The following ELMO1 variants were observed in gnomAD, a reference collection of about 807,000 sequenced individuals.
ELMO1 encodes the protein engulfment and cell motility 1, also known as engulfment and cell motility protein 1.
A neutral mutation model predicts 98.9 loss-of-function variants in ELMO1; 26 were observed. The ratio of observed to expected loss-of-function variants is 0.26; its 90% CI spans 0.19 to 0.36. The LOEUF (loss-of-function observed/expected upper bound fraction) is 0.36. Among genes scored for constraint, ELMO1 ranks in the 10% least tolerant of loss-of-function variants. The pLI is 1.00. For missense variants in ELMO1, 627 were observed against 935.2 expected, an observed-to-expected ratio of 0.67 and a Z score of 4.30; for synonymous variants, 346 against 346.0, an observed-to-expected ratio of 1.00 and a Z score of 0.00.
At chr7:37,086,788 A>AG in intron 15 of ELMO1, among the ~76,000 whole-genome samples, 1 of 126,546 alleles carries the variant, frequency 7.9e-6, no homozygotes, top group Non-Finnish European at 1.7e-5. Context: ...CTTTCTTGCC[A>AG]AAAAAAAATA....
At chr7:37,210,034 T>C (rs116689129) in intron 13 of ELMO1, among the ~76,000 whole-genome samples, 1,659 of 152,022 alleles carry the variant, frequency 0.011, 39 homozygotes, top group African/African-American at 0.039. Context: ...CTGGACAGAG[T>C]GTTAGTTTTT....
intron 1 of ELMO1, among the ~76,000 whole-genome samples, chr7:37,363,879 C>T (rs1001718306): frequency 3.9e-5 from 6 of 152,126 alleles, no homozygotes; most frequent in African/African-American, 1.4e-4. Flanking sequence ...AACCAAGTGA[C>T]TAGAAAACCA....
chr7:37,023,378 G>A (rs897684963), intron 15 of ELMO1, among the ~76,000 whole-genome samples: 4 of 152,108 alleles, frequency 2.6e-5, no homozygotes, highest in Non-Finnish European at 5.9e-5. Flanking sequence ...GATTTCAGTG[G>A]GCTTTTCAGA....
At chr7:37,157,957 A>C (rs950735752) in intron 13 of ELMO1, among the ~76,000 whole-genome samples, 7 of 152,180 alleles carry the variant, frequency 4.6e-5, no homozygotes, top group Admixed American at 4.6e-4. Flanking sequence ...CAAAACAGAG[A>C]TATAGACCAA....
At chr7:37,188,095 C>T (rs899079745) in intron 13 of ELMO1, among the ~76,000 whole-genome samples, 8 of 152,040 alleles carry the variant, frequency 5.3e-5, no homozygotes, top group Non-Finnish European at 1.0e-4. Context: ...ACTTTTACCG[C>T]GGTTCAGAAA....
chr7:37,176,995 T>A (rs1175581781), intron 13 of ELMO1, among the ~76,000 whole-genome samples: 1 of 152,202 alleles, frequency 6.6e-6, no homozygotes, highest in Non-Finnish European at 1.5e-5. Context: ...AGATGTATCT[T>A]CCAGTGGGAA....
At chr7:37,019,401 TTCA>T (rs1219511096) in intron 15 of ELMO1, among the ~76,000 whole-genome samples, 1 of 152,226 alleles carries the variant, frequency 6.6e-6, no homozygotes, top group African/African-American at 2.4e-5. Context: ...GGATACAAAC[TTCA>T]TCATTTCGCT....
At chr7:37,367,132 AT>A (rs1212179602) in intron 1 of ELMO1, among the ~76,000 whole-genome samples, 1 of 152,196 alleles carries the variant, frequency 6.6e-6, no homozygotes, top group African/African-American at 2.4e-5. Flanking sequence ...CCACACTGTC[AT>A]TCATCTGCTG....
At chr7:37,113,116 C>T (rs1785351330) in intron 14 of ELMO1, among the ~76,000 whole-genome samples, 1 of 152,240 alleles carries the variant, frequency 6.6e-6, no homozygotes, top group South Asian at 2.1e-4. Flanking sequence ...AAGGCAGCTG[C>T]ATCCAGAGAG....
chr7:36,911,191 G>T (rs1562817363), intron 16 of ELMO1, among the ~76,000 whole-genome samples: 1 of 152,082 alleles, frequency 6.6e-6, no homozygotes, highest in Non-Finnish European at 1.5e-5. Flanking sequence ...TAAAAGGATG[G>T]CACCCCAAGC....
intron 2 of ELMO1, among the ~76,000 whole-genome samples, chr7:37,321,156 C>G (rs1387523667): frequency 6.6e-6 from 1 of 152,200 alleles, no homozygotes; most frequent in Non-Finnish European, 1.5e-5. Context: ...CCCCAATTAT[C>G]TTGAAAACAC....
At chr7:37,109,354 G>T (rs1785112462) in intron 14 of ELMO1, among the ~76,000 whole-genome samples, 1 of 152,188 alleles carries the variant, frequency 6.6e-6, no homozygotes, top group African/African-American at 2.4e-5. Context: ...GTGTGTTTAT[G>T]GAAAACATTT....
At chr7:37,081,833 A>T (rs114078281) in intron 15 of ELMO1, among the ~76,000 whole-genome samples, 3,149 of 152,312 alleles carry the variant, frequency 0.021, 118 homozygotes, top group African/African-American at 0.072. Flanking sequence ...AAACAAAAAA[A>T]ATAATGAAAA....
chr7:37,323,494 G>T (rs1799629570), intron 2 of ELMO1, among the ~76,000 whole-genome samples: 1 of 152,158 alleles, frequency 6.6e-6, no homozygotes, highest in South Asian at 2.1e-4. Flanking sequence ...AGAGTTTTGA[G>T]ACCAGGCTGA....
chr7:37,346,298 C>T (rs1801005301), intron 1 of ELMO1, among the ~76,000 whole-genome samples: 1 of 152,152 alleles, frequency 6.6e-6, no homozygotes, highest in Non-Finnish European at 1.5e-5. Context: ...TTCCAGAGGG[C>T]CTTTGGCAAA....
At chr7:37,243,129 A>G (rs1199516856) in intron 7 of ELMO1, among the ~76,000 whole-genome samples, 1 of 152,180 alleles carries the variant, frequency 6.6e-6, no homozygotes, top group Non-Finnish European at 1.5e-5. Context: ...TCTGTCTATG[A>G]TTTATCAATA....
intron 13 of ELMO1, among the ~76,000 whole-genome samples, chr7:37,171,960 T>C (rs1369827834): frequency 6.6e-6 from 1 of 152,158 alleles, no homozygotes; most frequent in East Asian, 1.9e-4. Context: ...TGTACTATTA[T>C]CTGTTCAACA....
chr7:37,187,977 T>C (rs1202095786), intron 13 of ELMO1, among the ~76,000 whole-genome samples: 1 of 152,062 alleles, frequency 6.6e-6, no homozygotes, highest in Admixed American at 6.6e-5. Context: ...GTTTCCTTTG[T>C]CTAATCATTT....
intron 4 of ELMO1, among the ~76,000 whole-genome samples, chr7:37,297,853 T>C (rs1798121412): frequency 1.3e-5 from 2 of 152,238 alleles, no homozygotes; most frequent in African/African-American, 4.8e-5. Context: ...TGTGTTATGA[T>C]GGCTGCTATA....
Sources: gnomAD v4.1 joint callset for allele counts (sites outside exome capture counted in the v4.1 genomes callset) on GRCh38, gnomAD v4.1.1 for gene constraint, MANE v1.5 for transcripts, NCBI Gene and HGNC (gene_info 2026-07-23, HGNC 2026-07-21) for gene names.